Variants in ARNT observed in about 807,000 individuals in gnomAD.
ARNT encodes the protein class E basic helix-loop-helix protein 2.
Under a neutral mutation model 105.0 loss-of-function variants are expected in ARNT, and 30 were observed. The ratio of observed to expected loss-of-function variants is 0.29; its 90% CI spans 0.21 to 0.39. The LOEUF (loss-of-function observed/expected upper bound fraction) is 0.39, where lower values mean the gene tolerates loss of function less well. Ranked by LOEUF, ARNT falls within the 10% of genes least tolerant of loss-of-function variation. The probability of loss-of-function intolerance (pLI) is 1.00; values close to 1 mark genes in which losing one functional copy is unlikely to be tolerated. For missense variants in ARNT, 748 were observed against 978.7 expected, an observed-to-expected ratio of 0.76 and a Z score of 3.15; for synonymous variants, 304 against 344.0, an observed-to-expected ratio of 0.88 and a Z score of 1.29.
chr1:150,861,537 T>C (rs986575192), intron 1 of ARNT, among the ~76,000 whole-genome samples: 10 of 152,176 alleles, frequency 6.6e-5, no homozygotes, highest in Non-Finnish European at 1.3e-4. Context: ...GGGCTGAACA[T>C]GGTGGCTTAC....
chr1:150,865,508 A>T (rs1028005298), intron 1 of ARNT, among the ~76,000 whole-genome samples: 1 of 152,178 alleles, frequency 6.6e-6, no homozygotes, highest in African/African-American at 2.4e-5. Context: ...AGGGTGAATG[A>T]AGTGAAAATA....
intron 3 of ARNT, among the ~76,000 whole-genome samples, chr1:150,847,361 G>A (rs952367565): frequency 2.0e-5 from 3 of 150,436 alleles, no homozygotes; most frequent in Admixed American, 6.6e-5. Context: ...AACCTGGGAG[G>A]CGGAGGTTGC....
chr1:150,859,647 G>A (rs1665254028), intron 1 of ARNT, among the ~76,000 whole-genome samples: 1 of 151,912 alleles, frequency 6.6e-6, no homozygotes, highest in Non-Finnish European at 1.5e-5. Context: ...TTGAGCCACT[G>A]AGCCCAGCCC....
At chr1:150,813,418 T>C (rs1655152953) in intron 20 of ARNT, 80 bp from the exon 21 acceptor site, 1 of 1,408,916 alleles carries the variant, frequency 7.1e-7, no homozygotes, top group Non-Finnish European at 9.4e-7. Context: ...TAAACAACTA[T>C]AGGTAAGCCA....
chr1:150,817,274 A>G, intron 16 of ARNT, 72 bp from the exon 17 acceptor site: 2 of 1,611,292 alleles, frequency 1.2e-6, no homozygotes, highest in Non-Finnish European at 1.7e-6. Context: ...AAATTCATAT[A>G]CAACATATGT....
intron 2 of ARNT, among the ~76,000 whole-genome samples, chr1:150,857,706 T>C (rs1170541536): frequency 6.6e-6 from 1 of 152,210 alleles, no homozygotes; most frequent in Non-Finnish European, 1.5e-5. Flanking sequence ...TACCAACAAA[T>C]GCATATTTCC....
At chr1:150,813,361 T>G (rs758410825) in intron 20 of ARNT, 23 bp from the exon 21 acceptor site, 2 of 1,568,160 alleles carry the variant, frequency 1.3e-6, no homozygotes, top group Non-Finnish European at 1.7e-6. Context: ...CAAGGAAGAA[T>G]AAACAACTCC....
intron 6 of ARNT, among the ~76,000 whole-genome samples, chr1:150,837,558 G>A (rs1278925366): frequency 6.6e-6 from 1 of 152,050 alleles, no homozygotes; most frequent in African/African-American, 2.4e-5. Context: ...CTATGAGACT[G>A]TACTCCAATT....
At chr1:150,823,481 C>G (rs1211238711) in intron 13 of ARNT, 136 bp from the exon 14 acceptor site, 3 of 734,386 alleles carry the variant, frequency 4.1e-6, no homozygotes, top group Non-Finnish European at 4.1e-6. Flanking sequence ...AATATTAAAA[C>G]AAAATGAGAG....
intron 1 of ARNT, among the ~76,000 whole-genome samples, chr1:150,868,835 T>G (rs929246004): frequency 4.0e-5 from 6 of 150,708 alleles, no homozygotes; most frequent in Non-Finnish European, 7.4e-5. Flanking sequence ...GAGGCAGAGG[T>G]TGCAGTGAGC....
intron 1 of ARNT, among the ~76,000 whole-genome samples, chr1:150,866,301 C>T (rs991116952): frequency 5.9e-5 from 9 of 152,026 alleles, no homozygotes; most frequent in Non-Finnish European, 1.3e-4. Context: ...CCAAGGTCTT[C>T]TACTTTCCAG....
At chr1:150,852,042 CAAAAA>C (rs201248419) in intron 3 of ARNT, among the ~76,000 whole-genome samples, 2 of 95,050 alleles carry the variant, frequency 2.1e-5, no homozygotes, top group African/African-American at 3.7e-5. Flanking sequence ...GACTCCGTCT[CAAAAA>C]AAAAAAAAAC....
At chr1:150,868,499 G>A (rs7513824) in intron 1 of ARNT, among the ~76,000 whole-genome samples, 9,847 of 152,230 alleles carry the variant, frequency 0.065, 1,088 homozygotes, top group African/African-American at 0.22. Flanking sequence ...AGAACTTGTA[G>A]AGGATTCTAA....
chr1:150,863,688 G>C (rs953606361), intron 1 of ARNT, among the ~76,000 whole-genome samples: 5 of 151,678 alleles, frequency 3.3e-5, no homozygotes, highest in African/African-American at 1.2e-4. Context: ...AAATTACCAG[G>C]CGCCTGTAAT....
chr1:150,870,999 ACTAT>A (rs1358485258), intron 1 of ARNT, among the ~76,000 whole-genome samples: 1 of 151,974 alleles, frequency 6.6e-6, no homozygotes, highest in Non-Finnish European at 1.5e-5. Context: ...AGACCCGGTC[ACTAT>A]CTAAAATAAT....
At chr1:150,858,539 G>C (rs1665028561) in intron 1 of ARNT, 79 bp from the exon 2 acceptor site, 2 of 1,151,252 alleles carry the variant, frequency 1.7e-6, no homozygotes, top group African/African-American at 1.5e-5. Context: ...TTAGCTAAAA[G>C]AAAGGTTCAA....
At chr1:150,859,563 C>G (rs2102311335) in intron 1 of ARNT, among the ~76,000 whole-genome samples, 1 of 151,734 alleles carries the variant, frequency 6.6e-6, no homozygotes, top group Non-Finnish European at 1.5e-5. Context: ...CACTGTGTTC[C>G]CCAGGCTGGT....
In ARNT at chr1:150,836,539, A is replaced by G; in HGVS notation, c.487-46T>C. 3 of 1,568,186 alleles carry G rather than the reference A, an allele frequency of 1.9e-6. No individual in the cohort carries two copies. The South Asian group carries it at 3.5e-5, about 18-fold the overall frequency. On this transcript the variant is annotated intron_variant, in intron 6 of 21. Coordinates refer to ENST00000358595, the MANE Select transcript of ARNT (RefSeq NM_001668.4). ...GAAGTTAATATTTTACTCTGAAAAA[A>G]CAAGTATTTCTATTCACAGGAAGAA...
At position 150,814,081 on chromosome 1, in the gene ARNT, G is replaced by C. The variant is rs764916358; in HGVS notation, c.2109C>G (p.Asn703Lys). ...AYPSLTNRGS[N>K]FAPETGQTAG... ...CTCCTTATGGTCTGGACTCACCAAA[G>C]TTAGATCCACGATTGGTGAGACTAG... The change falls in exon 20 of 22, where the codon AAC becomes AAG. Residue 703 changes from asparagine to lysine, a missense_variant. By Grantham distance (94) the Asn-to-Lys change is moderately conservative (BLOSUM62 0). Around this residue, in one of 4 missense-constraint regions of ARNT, gnomAD observed 360 missense variants for 411.9 expected, o/e 0.87. Coordinates refer to ENST00000358595, the MANE Select transcript of ARNT (RefSeq NM_001668.4). 6.2e-7 allele frequency: 1 copy of C among 1,614,118 alleles called. No homozygotes were observed. Among genetic ancestry groups the C allele is most frequent in the Non-Finnish European group, 8.5e-7 (1 of 1,180,012 alleles).
Sources: gnomAD v4.1 joint callset for allele counts (sites outside exome capture counted in the v4.1 genomes callset) on GRCh38, gnomAD v4.1.1 for gene constraint, gnomAD v4.1.1 regional missense constraint, MANE v1.5 for transcripts, NCBI Gene and HGNC (gene_info 2026-07-23, HGNC 2026-07-21) for gene names.